ZMYM2: variants seen among roughly 807,000 people sequenced by gnomAD.
ZMYM2 encodes zinc finger MYM-type containing 2.
In ZMYM2, 56 loss-of-function variants were observed where a neutral mutation model predicts 162.8. The ratio of observed to expected loss-of-function variants is 0.34; its 90% confidence interval spans 0.28 to 0.43. The LOEUF is 0.43. ZMYM2 is among the 20% of genes least tolerant of loss of function. The pLI, the probability that ZMYM2 is intolerant of heterozygous loss-of-function variation, is 1.00. For synonymous variants in ZMYM2, 510 were observed against 541.6 expected, an observed-to-expected ratio of 0.94 and a Z score of 0.81; for missense variants, 1,275 against 1,621.8, an observed-to-expected ratio of 0.79 and a Z score of 3.67.
At chr13:19,888,164 C>T in the ZMYM2 span, among the ~76,000 whole-genome samples, 1 of 151,768 alleles carries the variant, frequency 6.6e-6, no homozygotes, top group Non-Finnish European at 1.5e-5. Context: ...CAGGCATGCT[C>T]CATCGCGCCT....
chr13:19,996,045 C>G (rs1949991971), intron 3 of ZMYM2, among the ~76,000 whole-genome samples: 1 of 143,968 alleles, frequency 6.9e-6, no homozygotes, highest in South Asian at 2.3e-4. Context: ...ATGTCTCTCT[C>G]TCTCTTTAAC....
In ZMYM2 at chr13:20,004,974, T is replaced by C. The variant is rs1950637256; in HGVS notation, c.1134-100T>C. The C allele has an allele frequency of 1.5e-5, 12 of 821,014 alleles. No individual in the cohort carries two copies. The South Asian group carries it at 2.1e-4, about 15-fold the overall frequency. The allele number at this position is 821,014 out of a possible 1,614,324, so 50.9% of individuals were successfully genotyped here. A position where few individuals can be genotyped will look rare whatever the true frequency, so the allele number is the denominator to read the frequency against. ...TATTAGATCCAAGAATGATGTTTGA[T>C]TTGCAGGACTTAGTCTATAGAAATG... On this transcript the variant is annotated intron_variant, in intron 4 of 24. Transcript: ENST00000610343.
chr13:19,962,408 T>C (rs1258634335), intron 2 of ZMYM2, among the ~76,000 whole-genome samples: 1 of 151,038 alleles, frequency 6.6e-6, no homozygotes, highest in African/African-American at 2.4e-5. Flanking sequence ...AGCATTAATA[T>C]GTCTCTATAC....
At chr13:20,028,113 A>T (rs145773664) in intron 9 of ZMYM2, 1,798 of 171,122 alleles carry the variant, frequency 0.011, 18 homozygotes, top group Non-Finnish European at 0.014. Context: ...TAGTTTCTTA[A>T]GTATAATAGT....
rs531505205 is a variant in ZMYM2, at chr13:20,059,712, G to A, written c.2739+150G>A. 42 of 642,746 alleles carry A rather than the reference G, an allele frequency of 6.5e-5. 1 individual carries two copies. Among genetic ancestry groups the A allele is most frequent in the Admixed American group, 3.2e-4 (11 of 34,420 alleles). The allele number at this position is 642,746 out of a possible 1,614,324, so 39.8% of individuals were successfully genotyped here. ...TTTTTTTTCCCCAATAAATATGGGCGGCCCTCTATATTGGCAGGTTCCACA... is the reference window on the plus strand; with the variant it reads ...TTTTTTTTCCCCAATAAATATGGGCAGCCCTCTATATTGGCAGGTTCCACA... On this transcript the variant is annotated intron_variant, in intron 16 of 24. Coordinates refer to ENST00000610343, the MANE Select transcript of ZMYM2 (RefSeq NM_197968.4).
the ZMYM2 span, among the ~76,000 whole-genome samples, chr13:19,917,251 C>G: frequency 6.6e-6 from 1 of 151,924 alleles, no homozygotes; most frequent in South Asian, 2.1e-4. Flanking sequence ...CATGAGCCAC[C>G]ACGCCCGGCT....
At chr13:20,002,696 A>C (rs1328215802) in intron 3 of ZMYM2, among the ~76,000 whole-genome samples, 154 bp from the exon 4 acceptor site, 8 of 152,200 alleles carry the variant, frequency 5.3e-5, no homozygotes. Context: ...TTCTTACTCC[A>C]AAACTTGTGC....
chr13:19,993,636 A>T lies in ZMYM2; in HGVS notation c.564A>T (p.Thr188=). The T allele has an allele frequency of 6.2e-7, 1 of 1,614,130 alleles. No homozygotes were observed. Among genetic ancestry groups the T allele is most frequent in the Non-Finnish European group, 8.5e-7 (1 of 1,179,978 alleles). ...CTGAAATTCAGATTGCTAATGTTACAACTTTAGAAACAGGTGTAAGCTCTG... is the reference window on the plus strand; with the variant it reads ...CTGAAATTCAGATTGCTAATGTTACTACTTTAGAAACAGGTGTAAGCTCTG... ...PDSEIQIANV[T]TLETGVSSVN... is the part of the protein sequence containing the mutation. The change falls in exon 3 of 25, where the codon ACA becomes ACT. Residue 188 remains threonine, a synonymous_variant. Coordinates refer to ENST00000610343, the MANE Select transcript of ZMYM2 (RefSeq NM_197968.4).
In ZMYM2 at chr13:20,087,964, C is replaced by G. The variant is rs1958365936; in HGVS notation, c.*1950C>G. 1 of 195,068 alleles carries G rather than the reference C, an allele frequency of 5.1e-6. No individual in the cohort carries two copies. The highest frequency in any genetic ancestry group is 1.1e-5 in the Non-Finnish European group (1 of 93,710). 12.1% of individuals were successfully genotyped at this position (195,068 alleles called of 1,614,324 possible). On this transcript the variant is annotated 3_prime_UTR_variant, in exon 25 of 25. Coordinates refer to ENST00000610343, the MANE Select transcript of ZMYM2 (RefSeq NM_197968.4). ...CCATCTTTTAGTCTTCAAAGTGGTG[C>G]TATATTCCATCAAGAGCAATAAAGT...
intron 18 of ZMYM2, 77 bp from the exon 19 acceptor site, chr13:20,064,374 G>C (rs1956510224): frequency 7.9e-7 from 1 of 1,261,952 alleles, no homozygotes; most frequent in Admixed American, 2.2e-5. Context: ...TACATCCTGT[G>C]GTTAGTTCTT....
At chr13:19,943,506 C>A in the ZMYM2 span, among the ~76,000 whole-genome samples, 10 of 152,214 alleles carry the variant, frequency 6.6e-5, no homozygotes, top group African/African-American at 2.4e-4. Flanking sequence ...ACCTGATGTT[C>A]AAAAATAATC....
chr13:19,869,915 G>C, the ZMYM2 span, among the ~76,000 whole-genome samples: 1 of 152,210 alleles, frequency 6.6e-6, no homozygotes, highest in African/African-American at 2.4e-5. Context: ...TAAAAACTTA[G>C]TGGGTTAAAA....
At chr13:20,030,546 C>T (rs1039792414) in intron 9 of ZMYM2, among the ~76,000 whole-genome samples, 9 of 152,148 alleles carry the variant, frequency 5.9e-5, no homozygotes, top group African/African-American at 2.2e-4. Context: ...CTACAGGCAC[C>T]TGCCACCACC....
chr13:19,975,377 G>C (rs1298396684), intron 2 of ZMYM2, among the ~76,000 whole-genome samples: 3 of 152,030 alleles, frequency 2.0e-5, no homozygotes, highest in Non-Finnish European at 2.9e-5. Flanking sequence ...GGTAACTTCT[G>C]TTCTACCTTC....
At chr13:20,018,207 G>A (rs1951780184) in intron 6 of ZMYM2, among the ~76,000 whole-genome samples, 1 of 152,054 alleles carries the variant, frequency 6.6e-6, no homozygotes, top group African/African-American at 2.4e-5. Flanking sequence ...TTCTTCAGTG[G>A]ATAGAGAAAA....
At chr13:20,027,743 T>G (rs1566335128) in intron 9 of ZMYM2, among the ~76,000 whole-genome samples, 1 of 152,152 alleles carries the variant, frequency 6.6e-6, no homozygotes, top group African/African-American at 2.4e-5. Flanking sequence ...ATTAGATTTT[T>G]TACACTAGGC....
chr13:19,917,184 A>T, the ZMYM2 span, among the ~76,000 whole-genome samples: 8 of 151,884 alleles, frequency 5.3e-5, no homozygotes, highest in Non-Finnish European at 8.8e-5. Flanking sequence ...GGATGGTCTC[A>T]ATCTCCTGAC....
chr13:19,976,716 A>G (rs896157951), intron 2 of ZMYM2, among the ~76,000 whole-genome samples: 1 of 152,196 alleles, frequency 6.6e-6, no homozygotes, highest in Admixed American at 6.5e-5. Flanking sequence ...TCATGGTTCT[A>G]CGTTATAGCG....
Position 20,030,232 on chromosome 13 carries a change from C to CT in ZMYM2, c.1852-1072dup, listed in dbSNP as rs772819839. Reference sequence around the variant, plus strand: ...GTAACATAGGCCGATTTCTTTTCCTCTTTTTTTTTTTTTTTCCAGATGGAG... The same window carrying CT: ...GTAACATAGGCCGATTTCTTTTCCTCTTTTTTTTTTTTTTTTCCAGATGGAG... On this transcript the variant is annotated intron_variant, in intron 9 of 24. Transcript: ENST00000610343. Among the ~76,000 whole-genome samples, 883 of 140,606 alleles carry CT rather than the reference C, an allele frequency of 6.3e-3. 1 individual carries two copies. The highest frequency in any genetic ancestry group is 0.023 in the Middle Eastern group (6 of 262). The allele number at this position is 140,606 out of a possible 152,430, so 92.2% of individuals were successfully genotyped here. A position where few individuals can be genotyped will look rare whatever the true frequency, so the allele number is the denominator to read the frequency against.
Sources: gnomAD v4.1 joint callset for allele counts (sites outside exome capture counted in the v4.1 genomes callset) on GRCh38, gnomAD v4.1.1 for gene constraint, MANE v1.5 for transcripts, NCBI Gene and HGNC (gene_info 2026-07-23, HGNC 2026-07-21) for gene names.